Variants in PKIB observed in about 807,000 individuals in gnomAD.
PKIB encodes the protein PKI-beta.
PKIB carries 2 observed loss-of-function variants against 4.5 expected under a neutral mutation model. That is an observed-to-expected ratio of 0.44 (90% CI 0.18 to 1.39). The LOEUF (loss-of-function observed/expected upper bound fraction) is 1.39, where lower values mean the gene tolerates loss of function less well. Among genes scored for constraint, PKIB ranks in the 40% most tolerant of loss-of-function variants. The pLI, the probability that PKIB is intolerant of heterozygous loss-of-function variation, is 0.27. For synonymous variants in PKIB, 38 were observed against 36.0 expected, an observed-to-expected ratio of 1.06 and a Z score of -0.20; for missense variants, 94 against 92.6, an observed-to-expected ratio of 1.02 and a Z score of -0.06.
intron 2 of PKIB, among the ~76,000 whole-genome samples, chr6:122,666,907 C>G (rs1383517794): frequency 6.6e-6 from 1 of 151,910 alleles, no homozygotes; most frequent in Non-Finnish European, 1.5e-5. Context: ...GGCACTGGTT[C>G]GATTATAACC....
chr6:122,504,983 G>A (rs768621468), intron 2 of PKIB, among the ~76,000 whole-genome samples: 25 of 152,116 alleles, frequency 1.6e-4, no homozygotes, highest in Non-Finnish European at 3.4e-4. Context: ...AAAACGCCCC[G>A]AGCTCTGGTT....
At chr6:122,628,296 C>A (rs1030094410) in intron 1 of PKIB, among the ~76,000 whole-genome samples, 1 of 152,228 alleles carries the variant, frequency 6.6e-6, no homozygotes, top group Non-Finnish European at 1.5e-5. Context: ...CTCGGCCTCC[C>A]AAAGTGCTGG....
At chr6:122,633,764 G>A (rs1204728756) in intron 2 of PKIB, among the ~76,000 whole-genome samples, 1 of 152,084 alleles carries the variant, frequency 6.6e-6, no homozygotes, top group Non-Finnish European at 1.5e-5. Flanking sequence ...CTTATAAACT[G>A]ACTGCTTTTC....
At chr6:122,670,444 T>G (rs1221626002) in intron 2 of PKIB, among the ~76,000 whole-genome samples, 2 of 152,162 alleles carry the variant, frequency 1.3e-5, no homozygotes, top group Non-Finnish European at 2.9e-5. Context: ...ATTTGCTATT[T>G]GCTTACTACC....
At chr6:122,590,511 G>A (rs955930906) in intron 3 of PKIB, among the ~76,000 whole-genome samples, 42 of 152,192 alleles carry the variant, frequency 2.8e-4, no homozygotes, top group Non-Finnish European at 8.8e-5. Flanking sequence ...CTCTGCAAGT[G>A]CTCAGTAAGC....
chr6:122,683,499 A>G (rs1368581712), intron 3 of PKIB, among the ~76,000 whole-genome samples: 4 of 152,194 alleles, frequency 2.6e-5, no homozygotes, highest in African/African-American at 9.7e-5. Flanking sequence ...TGCTTCTAGC[A>G]TTGAGGATTA....
chr6:122,492,788 T>TA (rs397755262), intron 2 of PKIB, among the ~76,000 whole-genome samples: 9 of 151,586 alleles, frequency 5.9e-5, no homozygotes, highest in East Asian at 3.9e-4. Flanking sequence ...TTTTTTTTTT[T>TA]AATTTTCTCA....
intron 2 of PKIB, among the ~76,000 whole-genome samples, chr6:122,485,168 T>C (rs1374866276): frequency 6.6e-6 from 1 of 152,174 alleles, no homozygotes; most frequent in Admixed American, 6.5e-5. Context: ...TAAACTCCTT[T>C]AAATTTAATT....
chr6:122,697,189 C>G (rs1428601045), intron 3 of PKIB, among the ~76,000 whole-genome samples: 2 of 152,068 alleles, frequency 1.3e-5, no homozygotes, highest in Non-Finnish European at 2.9e-5. Flanking sequence ...GGCAGGCAAA[C>G]AGAGAACAAA....
intron 1 of PKIB, among the ~76,000 whole-genome samples, chr6:122,622,699 T>C (rs905941899): frequency 6.7e-6 from 1 of 149,530 alleles, no homozygotes; most frequent in Non-Finnish European, 1.5e-5. Flanking sequence ...CATGGCATTT[T>C]GCAGTAGTGG....
At chr6:122,580,807 G>A (rs62422811) in intron 2 of PKIB, among the ~76,000 whole-genome samples, 1,947 of 152,224 alleles carry the variant, frequency 0.013, 17 homozygotes, top group Non-Finnish European at 0.018. Context: ...ATGGATAAAC[G>A]AAACAGGAAG....
chr6:122,601,341 T>G (rs994995553), intron 3 of PKIB, among the ~76,000 whole-genome samples: 1 of 152,118 alleles, frequency 6.6e-6, no homozygotes, highest in South Asian at 2.1e-4. Context: ...TGACTTAAAA[T>G]TATTAATAAA....
chr6:122,499,696 G>T lies in PKIB; in HGVS notation c.-248+21757G>T, dbSNP rs1776168469. 2.0e-5 allele frequency among the ~76,000 whole-genome samples: 3 copies of T among 152,254 alleles called. No homozygotes were observed. The South Asian group carries it at 6.2e-4, about 32-fold the overall frequency. On this transcript the variant is annotated intron_variant, in intron 2 of 6. Transcript: ENST00000392491. ...ACCACTCCTATTCAACGTAGTACTG[G>T]AAGTCCTAGCCAGAGATATGAGGGA...
intron 3 of PKIB, among the ~76,000 whole-genome samples, chr6:122,691,734 AATGTTTTTG>A (rs547528219): frequency 7.2e-5 from 11 of 152,006 alleles, no homozygotes; most frequent in African/African-American, 2.4e-4. Context: ...TGTTTTCCTG[AATGTTTTTG>A]ATGCTTGTGG....
chr6:122,660,338 T>TCAGAGACCAAG, intron 2 of PKIB, among the ~76,000 whole-genome samples: 1 of 152,188 alleles, frequency 6.6e-6, no homozygotes, highest in African/African-American at 2.4e-5. Context: ...ACTCTTCATC[T>TCAGAGACCAAG]CAGCAACTCA....
At chr6:122,485,441 A>G (rs1775738611) in intron 2 of PKIB, among the ~76,000 whole-genome samples, 2 of 152,196 alleles carry the variant, frequency 1.3e-5, no homozygotes, top group African/African-American at 4.8e-5. Context: ...AAATATTAGA[A>G]CAAACTAATG....
At chr6:122,706,788 T>C (rs1187903562) in intron 3 of PKIB, among the ~76,000 whole-genome samples, 1 of 152,098 alleles carries the variant, frequency 6.6e-6, no homozygotes, top group Non-Finnish European at 1.5e-5. Context: ...ATCTTCATTA[T>C]AGAAAATTTG....
chr6:122,575,286 CT>C (rs1412855083), intron 2 of PKIB, among the ~76,000 whole-genome samples: 1 of 152,094 alleles, frequency 6.6e-6, no homozygotes, highest in Non-Finnish European at 1.5e-5. Flanking sequence ...AAAGGAAACA[CT>C]TTTATATTGC....
rs561041941 is a variant in PKIB, at chr6:122,631,218, G to C, written c.-160-2065G>C. ...AGTAATGTCTGGAGATATTAGCAGA[G>C]TTTGAAAAAGATGGCATTAATATCT... On this transcript the variant is annotated intron_variant, in intron 1 of 4. Transcript: ENST00000368452. Among the ~76,000 whole-genome samples, 197 of 152,286 alleles carry C rather than the reference G, an allele frequency of 1.3e-3. 1 individual carries two copies. Among genetic ancestry groups the C allele is most frequent in the African/African-American group, 4.7e-3 (194 of 41,562 alleles).
Sources: allele counts gnomAD v4.1 joint callset (sites outside exome capture counted in the v4.1 genomes callset), GRCh38; gene constraint gnomAD v4.1.1; transcripts MANE v1.5; gene names NCBI Gene and HGNC (gene_info 2026-07-23, HGNC 2026-07-21).